ANGEL1: variants seen among roughly 807,000 people sequenced by gnomAD.
ANGEL1 encodes the protein RNA 2',3'-cyclic phosphatase ANGEL1.
ANGEL1 carries 62 observed loss-of-function variants against 76.4 expected under a neutral mutation model. The ratio of observed to expected loss-of-function variants is 0.81; its 90% CI spans 0.66 to 1.00. ANGEL1 has a LOEUF of 1.00. Among genes scored for constraint, ANGEL1 ranks in the 50% least tolerant of loss-of-function variants. ANGEL1 has a pLI of 0.00. For synonymous variants in ANGEL1, 340 were observed against 331.7 expected (o/e 1.03, Z -0.27); for missense variants, 737 against 836.7 (o/e 0.88, Z 1.47).
chr14:76,807,364 GGTCTTCAGGAGAGAGTAGACAA>G (rs1410619558), intron 4 of ANGEL1, 47 bp downstream of exon 4: 14 of 1,453,190 alleles, frequency 9.6e-6, no homozygotes, highest in African/African-American at 1.4e-5. Flanking sequence ...GAAAGGATGG[GGTCTTCAGGAGAGAGTAGACAA>G]GTCTGTGGAA....
rs773173799 is a variant in ANGEL1 at position 76,807,416 on chromosome 14, C to T, written c.946+17G>A. Reference sequence around the variant, plus strand: ...GTGGAAAGAAAAGCTGGCAAGCATCCCAGGGAGCTGCATTACCCATCATTC... The same window carrying T: ...GTGGAAAGAAAAGCTGGCAAGCATCTCAGGGAGCTGCATTACCCATCATTC... On this transcript the variant is annotated intron_variant, in intron 4 of 9. Coordinates refer to ENST00000251089, the MANE Select transcript of ANGEL1 (RefSeq NM_015305.4). The T allele has an allele frequency of 2.9e-5, 47 of 1,606,678 alleles. No homozygotes were observed. The South Asian group carries it at 4.2e-4, about 14-fold the overall frequency.
At chr14:76,804,739 G>A (rs1392651024) in intron 5 of ANGEL1, among the ~76,000 whole-genome samples, 1 of 152,250 alleles carries the variant, frequency 6.6e-6, no homozygotes, top group Non-Finnish European at 1.5e-5. Flanking sequence ...GCCAGGCGCA[G>A]TGGCTCACGC....
In ANGEL1 at chr14:76,812,842, G is replaced by C; in HGVS notation, c.-15C>G. The C allele has an allele frequency of 6.6e-7, 1 of 1,503,976 alleles. No homozygotes were observed. Among genetic ancestry groups the C allele is most frequent in the Non-Finnish European group, 8.8e-7 (1 of 1,130,322 alleles). 93.2% of individuals were successfully genotyped at this position (1,503,976 alleles called of 1,614,324 possible). ...GACGCGATCATGGCCGGCCGCCCGC[G>C]CCCGCCTCCGCTCCTCACTGCAGCC... On this transcript the variant is annotated 5_prime_UTR_variant, in exon 1 of 10. Transcript: ENST00000251089.
chr14:76,807,364 G>C, intron 4 of ANGEL1, 69 bp downstream of exon 4: 6 of 1,453,308 alleles, frequency 4.1e-6, no homozygotes, highest in Non-Finnish European at 5.7e-6. Context: ...GAAAGGATGG[G>C]GTCTTCAGGA....
At chr14:76,799,716 G>T (rs1894702661) in intron 7 of ANGEL1, among the ~76,000 whole-genome samples, 1 of 152,076 alleles carries the variant, frequency 6.6e-6, no homozygotes. Context: ...GACCAGCCTG[G>T]GCAAGATGGT....
intron 7 of ANGEL1, among the ~76,000 whole-genome samples, chr14:76,801,006 A>AC (rs1894746345): frequency 6.6e-6 from 1 of 151,874 alleles, no homozygotes; most frequent in African/African-American, 2.4e-5. Context: ...CAACCTCATC[A>AC]CCGTTAGGCT....
Position 76,809,061 on chromosome 14 carries a change from T to C in ANGEL1, c.647A>G (p.His216Arg). The change falls in exon 2 of 10, where the codon CAT becomes CGT. Residue 216 changes from histidine (H) to arginine (R), a missense_variant and splice_region_variant. Around this residue, in one of 2 missense-constraint regions of ANGEL1, gnomAD observed 441 missense variants for 449.5 expected, o/e 0.98. Transcript: ENST00000251089. Reference sequence around the variant, plus strand: ...ACTCAACCAGTTGTCAGACTCACCATGATATGGTATTTCCACTGCGGGAGG... The same window carrying C: ...ACTCAACCAGTTGTCAGACTCACCACGATATGGTATTTCCACTGCGGGAGG... ...LQPPAVEIPY[H>R]EILWREWEDF... The C allele has an allele frequency of 6.2e-7, 1 of 1,606,020 alleles. No individual in the cohort carries two copies. Among genetic ancestry groups the C allele is most frequent in the Non-Finnish European group, 8.5e-7 (1 of 1,174,332 alleles).
chr14:76,804,654 C>T (rs1237281159), intron 5 of ANGEL1, among the ~76,000 whole-genome samples: 3 of 152,218 alleles, frequency 2.0e-5, no homozygotes, highest in African/African-American at 4.8e-5. Flanking sequence ...TCAATGGCCA[C>T]TTAATAGCTG....
At position 76,791,250 on chromosome 14, in the gene ANGEL1, C is replaced by T. The variant is rs1356689066; in HGVS notation, c.1688+47G>A. The stretch of plus-strand genomic sequence containing the variant: ...ACCAATGGGAATCTCTCTCTTACAC[C>T]TAGGCAAGGGCTGGATTGAAAACAG... On this transcript the variant is annotated intron_variant, in intron 8 of 9. Transcript: ENST00000251089. The T allele has an allele frequency of 3.7e-6, 6 of 1,602,794 alleles. No homozygotes were observed. In the African/African-American group the frequency reaches 8.0e-5, roughly 21 times the overall value.
intron 2 of ANGEL1, among the ~76,000 whole-genome samples, chr14:76,808,479 C>T (rs1456187319): frequency 6.8e-6 from 1 of 147,968 alleles, no homozygotes; most frequent in Non-Finnish European, 1.5e-5. Context: ...GCTTAACAGT[C>T]ACCTGAGGTT....
chr14:76,804,830 C>T (rs990397321), intron 5 of ANGEL1, among the ~76,000 whole-genome samples: 3 of 151,870 alleles, frequency 2.0e-5, no homozygotes, highest in East Asian at 1.9e-4. Flanking sequence ...GCCAACATGG[C>T]GAAACCCCGT....
In ANGEL1 at chr14:76,786,385, C is replaced by G. The variant is rs1431767247; in HGVS notation, c.*2843G>C. 2 of 152,178 alleles carry G rather than the reference C, an allele frequency of 1.3e-5. No homozygotes were observed. The highest frequency in any genetic ancestry group is 3.8e-4 in the East Asian group (2 of 5,202). 9.4% of individuals were successfully genotyped at this position (152,178 alleles called of 1,614,324 possible). On this transcript the variant is annotated 3_prime_UTR_variant, in exon 10 of 10. Coordinates refer to ENST00000251089, the MANE Select transcript of ANGEL1 (RefSeq NM_015305.4). ...TCATGTTGGTCAGGCTGGTCTGGAA[C>G]TCTCGACCTCAGGTGATCCACCCGC...
chr14:76,791,249 C>A lies in ANGEL1; in HGVS notation c.1688+48G>T, dbSNP rs748876164. The A allele has an allele frequency of 5.0e-6, 8 of 1,602,184 alleles. No individual in the cohort carries two copies. In the Admixed American group the frequency reaches 6.7e-5, roughly 13 times the overall value. On this transcript the variant is annotated intron_variant, in intron 8 of 9. Coordinates refer to ENST00000251089, the MANE Select transcript of ANGEL1 (RefSeq NM_015305.4). ...AACCAATGGGAATCTCTCTCTTACA[C>A]CTAGGCAAGGGCTGGATTGAAAACA...
At chr14:76,796,890 G>GT (rs1392656707) in intron 7 of ANGEL1, among the ~76,000 whole-genome samples, 1 of 152,082 alleles carries the variant, frequency 6.6e-6, no homozygotes, top group Non-Finnish European at 1.5e-5. Context: ...TTTAACACTA[G>GT]TATCTTTAAG....
chr14:76,803,147 G>A (rs1293737908), intron 7 of ANGEL1, among the ~76,000 whole-genome samples: 1 of 152,166 alleles, frequency 6.6e-6, no homozygotes, highest in African/African-American at 2.4e-5. Flanking sequence ...AGCTCTCAAA[G>A]CTAGTTACAA....
intron 5 of ANGEL1, among the ~76,000 whole-genome samples, chr14:76,804,647 A>G (rs985898980): frequency 6.6e-6 from 1 of 152,254 alleles, no homozygotes; most frequent in Non-Finnish European, 1.5e-5. Flanking sequence ...CTGCAATTCA[A>G]TGGCCACTTA....
At chr14:76,796,251 TTTTC>T (rs1259395265) in intron 7 of ANGEL1, among the ~76,000 whole-genome samples, 3 of 151,254 alleles carry the variant, frequency 2.0e-5, no homozygotes, top group Non-Finnish European at 4.4e-5. Context: ...TTTTTTTTCT[TTTTC>T]TTTTTCTTTT....
At position 76,806,437 on chromosome 14, in the gene ANGEL1, G is replaced by A; in HGVS notation, c.1359C>T (p.Tyr453=). The change falls in exon 5 of 10, where the codon TAC becomes TAT. Residue 453 remains tyrosine (Y), a synonymous_variant. Coordinates refer to ENST00000251089, the MANE Select transcript of ANGEL1 (RefSeq NM_015305.4). ...YNFIRDGELQ[Y]HGMPAWKVSG... ...TCACCTTCCAGGCTGGCATCCCATG[G>A]TACTGGAGCTCTCCATCCCTGATGA... 1 of 1,613,230 alleles carries A rather than the reference G, an allele frequency of 6.2e-7. No individual in the cohort carries two copies. Among genetic ancestry groups the A allele is most frequent in the Non-Finnish European group, 8.5e-7 (1 of 1,179,348 alleles).
chr14:76,786,167 CTTTT>C lies in ANGEL1; in HGVS notation c.*3057_*3060del. On this transcript the variant is annotated 3_prime_UTR_variant, in exon 10 of 10. Coordinates refer to ENST00000251089, the MANE Select transcript of ANGEL1 (RefSeq NM_015305.4). ...AGTTTTCTTTCTTTTCTTTTCTTTT[CTTTT>C]TTTTTTTTTGAGATGGAGTTTCACT... 1 of 113,984 alleles carries C rather than the reference CTTTT, an allele frequency of 8.8e-6. No homozygotes were observed. The highest frequency in any genetic ancestry group is 3.6e-5 in the African/African-American group (1 of 28,126). The allele number at this position is 113,984 out of a possible 1,614,324, so 7.1% of individuals were successfully genotyped here. A position where few individuals can be genotyped will look rare whatever the true frequency, so the allele number is the denominator to read the frequency against.
Sources: gnomAD v4.1 joint callset for allele counts (sites outside exome capture counted in the v4.1 genomes callset) on GRCh38, gnomAD v4.1.1 for gene constraint, gnomAD v4.1.1 regional missense constraint, MANE v1.5 for transcripts, NCBI Gene and HGNC (gene_info 2026-07-23, HGNC 2026-07-21) for gene names.